NTM: variants seen among roughly 807,000 people sequenced by gnomAD.
NTM encodes IgLON family member 2.
NTM carries 13 observed loss-of-function variants against 42.1 expected under a neutral mutation model. That is an observed-to-expected ratio of 0.31 (90% confidence interval 0.20 to 0.49). The LOEUF is 0.49. Among genes scored for constraint, NTM ranks in the 20% least tolerant of loss-of-function variants. NTM has a pLI of 0.99. For missense variants in NTM, 373 were observed against 452.8 expected (o/e 0.82, Z 1.60); for synonymous variants, 187 against 179.2 (o/e 1.04, Z -0.35).
At chr11:131,527,757 C>T (rs2050706226) in intron 1 of NTM, among the ~76,000 whole-genome samples, 1 of 152,126 alleles carries the variant, frequency 6.6e-6, no homozygotes, top group Non-Finnish European at 1.5e-5. Flanking sequence ...AACTAGTGTT[C>T]TTAGTATATT....
At chr11:131,909,683 A>G (rs1193292625) in intron 1 of NTM, 1 of 152,454 alleles carries the variant, frequency 6.6e-6, no homozygotes. Context: ...AGCCAGGGAA[A>G]GGAAACGCAG....
At chr11:131,740,651 A>G (rs533883883) in intron 1 of NTM, among the ~76,000 whole-genome samples, 2 of 151,876 alleles carry the variant, frequency 1.3e-5, no homozygotes, top group African/African-American at 4.8e-5. Flanking sequence ...CTTCTAATCC[A>G]TGAGTCTCTC....
At chr11:131,848,138 G>C (rs1026436720) in intron 1 of NTM, among the ~76,000 whole-genome samples, 10 of 152,180 alleles carry the variant, frequency 6.6e-5, no homozygotes, top group African/African-American at 2.2e-4. Flanking sequence ...GGGTTCTAAA[G>C]TTCAGATATA....
intron 1 of NTM, among the ~76,000 whole-genome samples, chr11:131,621,877 C>T (rs993268763): frequency 2.7e-5 from 4 of 148,852 alleles, no homozygotes; most frequent in Admixed American, 6.7e-5. Flanking sequence ...AGAATTATTT[C>T]TATGTGGAAG....
At chr11:131,859,389 G>A (rs1485180744) in intron 1 of NTM, among the ~76,000 whole-genome samples, 2 of 152,164 alleles carry the variant, frequency 1.3e-5, no homozygotes, top group Non-Finnish European at 2.9e-5. Flanking sequence ...TGACTTTCCC[G>A]TATGTGCTAC....
In NTM at chr11:131,392,206, C is replaced by T. The variant is rs187369112; in HGVS notation, c.82+21318C>T. On this transcript the variant is annotated intron_variant, in intron 1 of 8. Transcript: ENST00000683400. ...TTTCAATACGCATTGACTCTGCTGC[C>T]GCGGTGATATCATCCCAGGGATGGG... Among the ~76,000 whole-genome samples the T allele has an allele frequency of 5.5e-4, 84 of 152,340 alleles. 1 individual carries two copies. The highest frequency in any genetic ancestry group is 6.8e-3 in the Middle Eastern group (2 of 294).
intron 1 of NTM, among the ~76,000 whole-genome samples, chr11:131,622,085 G>C (rs1240979927): frequency 6.6e-6 from 1 of 152,114 alleles, no homozygotes; most frequent in Non-Finnish European, 1.5e-5. Context: ...GTGGGCAGAA[G>C]ACATTAGCAA....
chr11:131,463,487 A>G (rs2136125491), intron 1 of NTM, among the ~76,000 whole-genome samples: 1 of 152,318 alleles, frequency 6.6e-6, no homozygotes, highest in East Asian at 1.9e-4. Flanking sequence ...CTGGGGCCCC[A>G]GGCTTGGGGA....
chr11:131,795,903 C>T, intron 1 of NTM: 9 of 977,972 alleles, frequency 9.2e-6, no homozygotes, highest in African/African-American at 1.7e-5. Context: ...GTGGAGGGAT[C>T]ACTTTATTGG....
At chr11:132,138,455 A>C (rs1411418389) in intron 2 of NTM, among the ~76,000 whole-genome samples, 1 of 152,208 alleles carries the variant, frequency 6.6e-6, no homozygotes, top group Non-Finnish European at 1.5e-5. Flanking sequence ...CAATGTGAAC[A>C]GAATGTACAG....
intron 2 of NTM, among the ~76,000 whole-genome samples, chr11:131,933,693 T>C (rs2058886691): frequency 6.6e-6 from 1 of 151,944 alleles, no homozygotes; most frequent in African/African-American, 2.4e-5. Context: ...TCTTAACCTA[T>C]ACCCAAGCAG....
intron 1 of NTM, among the ~76,000 whole-genome samples, chr11:131,849,882 TAATG>T (rs2045327702): frequency 6.6e-6 from 1 of 150,658 alleles, no homozygotes; most frequent in African/African-American, 2.4e-5. Flanking sequence ...AATGACGAGT[TAATG>T]GGTGCAGCAC....
At chr11:132,108,561 C>T (rs1479275051) in intron 2 of NTM, among the ~76,000 whole-genome samples, 1 of 152,084 alleles carries the variant, frequency 6.6e-6, no homozygotes, top group African/African-American at 2.4e-5. Context: ...GAACAAAAGA[C>T]TACACATTGC....
chr11:131,868,605 CTCT>C (rs1280618976), intron 1 of NTM, among the ~76,000 whole-genome samples: 4 of 152,232 alleles, frequency 2.6e-5, no homozygotes, highest in African/African-American at 9.6e-5. Flanking sequence ...TTTGCCCTCC[CTCT>C]TCGAGAGCCA....
At chr11:131,747,248 A>T in intron 1 of NTM, among the ~76,000 whole-genome samples, 1 of 151,914 alleles carries the variant, frequency 6.6e-6, no homozygotes, top group Admixed American at 6.6e-5. Context: ...CTTACAACTC[A>T]CTCTTTGAAT....
intron 1 of NTM, among the ~76,000 whole-genome samples, chr11:131,726,604 A>G (rs2079000871): frequency 6.6e-6 from 1 of 151,328 alleles, no homozygotes. Context: ...CTCCTCAGCC[A>G]TCCATGACTC....
At chr11:131,463,811 A>G (rs550468610) in intron 1 of NTM, among the ~76,000 whole-genome samples, 43 of 152,328 alleles carry the variant, frequency 2.8e-4, no homozygotes, top group African/African-American at 9.9e-4. Context: ...GCCAGGCTGC[A>G]TGCTAATCAG....
At chr11:132,096,794 A>G (rs905188668) in intron 2 of NTM, among the ~76,000 whole-genome samples, 3 of 152,144 alleles carry the variant, frequency 2.0e-5, no homozygotes, top group African/African-American at 7.2e-5. Flanking sequence ...ATCATCATGC[A>G]GTTTTTGGAA....
At chr11:132,302,659 G>C (rs1167555040) in intron 4 of NTM, among the ~76,000 whole-genome samples, 2 of 152,172 alleles carry the variant, frequency 1.3e-5, no homozygotes, top group Non-Finnish European at 2.9e-5. Flanking sequence ...AGATGTCCAA[G>C]AACCTGGTTT....
Sources: gnomAD v4.1 joint callset for allele counts (sites outside exome capture counted in the v4.1 genomes callset) on GRCh38, gnomAD v4.1.1 for gene constraint, MANE v1.5 for transcripts, NCBI Gene and HGNC (gene_info 2026-07-23, HGNC 2026-07-21) for gene names.